CNBD1: variants seen among roughly 807,000 people sequenced by gnomAD.
The protein encoded by CNBD1 is cyclic nucleotide-binding domain-containing protein 1.
In CNBD1, 71 loss-of-function variants were observed where a neutral mutation model predicts 54.4. The ratio of observed to expected loss-of-function variants is 1.30; its 90% CI spans 1.08 to 1.59. The LOEUF (loss-of-function observed/expected upper bound fraction) is 1.59. CNBD1 is among the 40% of genes most tolerant of loss of function. The probability of loss-of-function intolerance (pLI) is 0.00; values close to 1 mark genes in which losing one functional copy is unlikely to be tolerated. For synonymous variants in CNBD1, 182 were observed against 170.7 expected (o/e 1.07, Z -0.51); for missense variants, 659 against 518.0 (o/e 1.27, Z -2.64).
At chr8:87,218,120 A>G (rs1164672898) in intron 5 of CNBD1, among the ~76,000 whole-genome samples, 2 of 152,066 alleles carry the variant, frequency 1.3e-5, no homozygotes, top group Admixed American at 6.5e-5. Context: ...GGCTTCTTCA[A>G]TATCCCAAAG....
chr8:87,132,009 G>A (rs1443705629), intron 4 of CNBD1, among the ~76,000 whole-genome samples: 1 of 151,896 alleles, frequency 6.6e-6, no homozygotes, highest in Admixed American at 6.6e-5. Context: ...TTAGTTCTCA[G>A]TTTTATGTTG....
intron 8 of CNBD1, among the ~76,000 whole-genome samples, chr8:87,294,143 T>C (rs112350879): frequency 1.5e-4 from 23 of 151,770 alleles, no homozygotes; most frequent in Non-Finnish European, 1.8e-4. Context: ...CAATTAGGAG[T>C]CTATTTTGGT....
chr8:86,939,951 A>G, intron 4 of CNBD1, 197 bp downstream of exon 4: 1 of 376,618 alleles, frequency 2.7e-6, no homozygotes, highest in Non-Finnish European at 4.7e-6. Flanking sequence ...TCAATGGTGT[A>G]TCACGGATAT....
chr8:87,026,048 C>A (rs930904488), intron 4 of CNBD1, among the ~76,000 whole-genome samples: 2 of 152,180 alleles, frequency 1.3e-5, no homozygotes, highest in African/African-American at 4.8e-5. Context: ...GGGATGTTAA[C>A]TTTTTTCTTC....
At chr8:87,324,578 A>G (rs1276298960) in intron 8 of CNBD1, among the ~76,000 whole-genome samples, 8 of 144,832 alleles carry the variant, frequency 5.5e-5, no homozygotes, top group Admixed American at 2.7e-4. Flanking sequence ...TAGATTTTCT[A>G]GTTTATTTGC....
chr8:86,936,586 A>G (rs1809552378), intron 3 of CNBD1, among the ~76,000 whole-genome samples: 1 of 152,004 alleles, frequency 6.6e-6, no homozygotes, highest in South Asian at 2.1e-4. Context: ...TAAAAATGCA[A>G]AAAACAATTA....
intron 3 of CNBD1, among the ~76,000 whole-genome samples, chr8:86,937,077 G>A (rs1563828744): frequency 6.6e-6 from 1 of 152,134 alleles, no homozygotes; most frequent in Non-Finnish European, 1.5e-5. Context: ...AAAGGAAAGA[G>A]GTTTAGTTGA....
intron 2 of CNBD1, among the ~76,000 whole-genome samples, chr8:87,400,481 T>C (rs749534902): frequency 8.6e-5 from 13 of 151,952 alleles, no homozygotes; most frequent in Non-Finnish European, 1.8e-4. Flanking sequence ...CTTAAGGAAC[T>C]TGTTAGAAAA....
At chr8:87,022,416 A>G (rs1478139096) in intron 4 of CNBD1, among the ~76,000 whole-genome samples, 2 of 152,192 alleles carry the variant, frequency 1.3e-5, no homozygotes, top group Admixed American at 6.5e-5. Context: ...AATATTTAGC[A>G]GTCATCTGTA....
At chr8:87,424,255 T>C (rs904733856) in intron 2 of CNBD1, among the ~76,000 whole-genome samples, 2 of 151,922 alleles carry the variant, frequency 1.3e-5, no homozygotes, top group Non-Finnish European at 2.9e-5. Context: ...TTTTGAAGGG[T>C]TTTTTGTGTC....
intron 4 of CNBD1, among the ~76,000 whole-genome samples, chr8:87,179,111 A>G (rs1334120661): frequency 6.6e-6 from 1 of 152,108 alleles, no homozygotes; most frequent in Admixed American, 6.5e-5. Context: ...GGGTTTCACC[A>G]TGTTGGCCAG....
intron 4 of CNBD1, among the ~76,000 whole-genome samples, chr8:87,174,368 A>G (rs1813155624): frequency 6.6e-6 from 1 of 152,048 alleles, no homozygotes; most frequent in East Asian, 1.9e-4. Flanking sequence ...TAGATTTCTG[A>G]TGCATTCTTC....
intron 4 of CNBD1, among the ~76,000 whole-genome samples, chr8:87,109,569 C>T (rs1811615046): frequency 7.2e-6 from 1 of 138,072 alleles, no homozygotes; most frequent in Non-Finnish European, 1.5e-5. Context: ...GGCAGAGTCT[C>T]ACTCTGTCGC....
In CNBD1 at chr8:87,156,599, C is replaced by T. The variant is rs150072712; in HGVS notation, c.432-49394C>T. Among the ~76,000 whole-genome samples the T allele has an allele frequency of 7.7e-3, 1,166 of 152,078 alleles. 14 individuals are homozygous for T. The highest frequency in any genetic ancestry group is 0.027 in the African/African-American group (1,117 of 41,492). ...ATACACTTGTATTCAGTAACATACACAGATGGTCTTTGTGGTTTGCTATTT... is the reference window on the plus strand; with the variant it reads ...ATACACTTGTATTCAGTAACATACATAGATGGTCTTTGTGGTTTGCTATTT... On this transcript the variant is annotated intron_variant, in intron 4 of 10. Coordinates refer to ENST00000518476, the MANE Select transcript of CNBD1 (RefSeq NM_173538.3).
chr8:86,903,767 A>G (rs1808974241), intron 2 of CNBD1, among the ~76,000 whole-genome samples: 1 of 152,116 alleles, frequency 6.6e-6, no homozygotes, highest in East Asian at 1.9e-4. Context: ...AAAACAGTGT[A>G]AAAGATCTTA....
chr8:86,887,002 A>T (rs1458027616), intron 1 of CNBD1, among the ~76,000 whole-genome samples: 1 of 152,156 alleles, frequency 6.6e-6, no homozygotes, highest in African/African-American at 2.4e-5. Flanking sequence ...AGACTCCTTT[A>T]TGATTTGCTT....
At chr8:86,975,748 A>C (rs1313069612) in intron 4 of CNBD1, among the ~76,000 whole-genome samples, 2 of 152,030 alleles carry the variant, frequency 1.3e-5, no homozygotes, top group Non-Finnish European at 2.9e-5. Context: ...TATACTCAAA[A>C]GTGGGATTGC....
intron 4 of CNBD1, among the ~76,000 whole-genome samples, chr8:87,049,461 C>T (rs146878610): frequency 7.2e-5 from 11 of 152,266 alleles, no homozygotes; most frequent in African/African-American, 2.6e-4. Flanking sequence ...TAGTTGAGCA[C>T]TGATGCCCAG....
At position 87,205,996 on chromosome 8, in the gene CNBD1, C is replaced by A; in HGVS notation, c.435C>A (p.Pro145=). ...EEFLAILKKL[P]IHRTPYEHKT... ...TGTATTTTTTTTTTTTTTTGAGGCCCATTCACAGGACGCCATATGAACACA... is the reference window on the plus strand; with the variant it reads ...TGTATTTTTTTTTTTTTTTGAGGCCAATTCACAGGACGCCATATGAACACA... The change falls in exon 5 of 11, where the codon CCC becomes CCA. Residue 145 remains proline, a synonymous_variant. Coordinates refer to ENST00000518476, the MANE Select transcript of CNBD1 (RefSeq NM_173538.3). 6.7e-7 allele frequency: 1 copy of A among 1,488,004 alleles called. No homozygotes were observed. The highest frequency in any genetic ancestry group is 1.4e-5 in the South Asian group (1 of 72,154). The allele number at this position is 1,488,004 out of a possible 1,614,324, so 92.2% of individuals were successfully genotyped here.
Sources: gnomAD v4.1 joint callset for allele counts (sites outside exome capture counted in the v4.1 genomes callset) on GRCh38, gnomAD v4.1.1 for gene constraint, MANE v1.5 for transcripts, NCBI Gene and HGNC (gene_info 2026-07-23, HGNC 2026-07-21) for gene names.